The following AUNIP variants were observed in gnomAD, a reference collection of about 807,000 sequenced individuals.
The protein encoded by AUNIP is aurora kinase A- and ninein-interacting protein.
A neutral mutation model predicts 12.2 loss-of-function variants in AUNIP; 16 were observed. The observed-to-expected ratio is 1.31, with a 90% CI of 0.88 to 1.99. The LOEUF (loss-of-function observed/expected upper bound fraction) is 1.99. AUNIP is among the 30% of genes most tolerant of loss of function. The pLI is 0.00. For missense variants in AUNIP, 411 were observed against 419.1 expected, an observed-to-expected ratio of 0.98 and a Z score of 0.17; for synonymous variants, 142 against 154.8, an observed-to-expected ratio of 0.92 and a Z score of 0.61.
In AUNIP at chr1:25,859,377, C is replaced by T; in HGVS notation, c.-20G>A. ...CCTCATGGCCGCTGAGGAGACGAAG[C>T]CGGCAGGACGCCGGCGCAGGCTCCC... On this transcript the variant is annotated 5_prime_UTR_variant, in exon 1 of 3. Coordinates refer to ENST00000374298, the MANE Select transcript of AUNIP (RefSeq NM_024037.3). The T allele has an allele frequency of 6.7e-7, 1 of 1,494,870 alleles. No individual in the cohort carries two copies. Among genetic ancestry groups the T allele is most frequent in the African/African-American group, 1.5e-5 (1 of 68,612 alleles). The allele number at this position is 1,494,870 out of a possible 1,614,324, so 92.6% of individuals were successfully genotyped here.
intron 1 of AUNIP, among the ~76,000 whole-genome samples, chr1:25,842,682 A>G (rs2048354572): frequency 6.6e-6 from 1 of 152,234 alleles, no homozygotes; most frequent in African/African-American, 2.4e-5. Context: ...TTAGGGGCTA[A>G]TGCAGCTAGT....
At chr1:25,859,166 T>C (rs2124519432) in intron 1 of AUNIP, 114 bp downstream of exon 1, 2 of 1,146,132 alleles carry the variant, frequency 1.7e-6, no homozygotes, top group Non-Finnish European at 2.5e-6. Context: ...CGCTGTTCCC[T>C]TCTCTGTCCC....
chr1:25,843,185 A>AAAATATATATATAT (rs1553123796), intron 1 of AUNIP, among the ~76,000 whole-genome samples: 3 of 124,956 alleles, frequency 2.4e-5, no homozygotes, highest in African/African-American at 8.9e-5. Context: ...AAAAAAAAAA[A>AAAATATATATATAT]ATATATATAT....
intron 1 of AUNIP, among the ~76,000 whole-genome samples, chr1:25,855,363 C>T (rs2048453683): frequency 6.6e-6 from 1 of 152,112 alleles, no homozygotes; most frequent in South Asian, 2.1e-4. Flanking sequence ...GAGTTGGGGT[C>T]TCATTATATT....
intron 1 of AUNIP, among the ~76,000 whole-genome samples, chr1:25,838,011 C>A (rs553145660): frequency 6.6e-6 from 1 of 150,608 alleles, no homozygotes; most frequent in Non-Finnish European, 1.5e-5. Context: ...GAGGCTGAGG[C>A]GGGCAGATAA....
chr1:25,832,317 C>T (rs1259259939), downstream of AUNIP: 6 of 811,612 alleles, frequency 7.4e-6, no homozygotes, highest in East Asian at 1.6e-4. Flanking sequence ...TTTTTCCTTG[C>T]CCCTGTGTGA....
downstream of AUNIP, chr1:25,832,575 G>A: frequency 5.3e-6 from 1 of 186,916 alleles, no homozygotes; most frequent in East Asian, 1.2e-4. Context: ...AGGTCAGGCT[G>A]CTGAACCAGC....
At chr1:25,840,145 C>T (rs2048339001) in intron 1 of AUNIP, among the ~76,000 whole-genome samples, 1 of 151,790 alleles carries the variant, frequency 6.6e-6, no homozygotes, top group African/African-American at 2.4e-5. Context: ...GACAAGTTAA[C>T]AGTTAACTTA....
At position 25,837,537 on chromosome 1, in the gene AUNIP, T is replaced by C. The variant is rs895540925; in HGVS notation, c.96A>G (p.Pro32=). 1 of 1,613,362 alleles carries C rather than the reference T, an allele frequency of 6.2e-7. No homozygotes were observed. The highest frequency in any genetic ancestry group is 1.3e-5 in the African/African-American group (1 of 75,002). The change falls in exon 2 of 3, where the codon CCA becomes CCG. Residue 32 remains proline (P), a synonymous_variant. Coordinates refer to ENST00000374298, the MANE Select transcript of AUNIP (RefSeq NM_024037.3). ...GAAGGAGTGTTAGCATTTTGGTGCC[T>C]GGTTTGATTAAATGTGTCTGAGAAA... The part of the protein sequence containing the change: ...RRKVQTHLIK[P]GTKMLTLLPG...
intron 1 of AUNIP, among the ~76,000 whole-genome samples, chr1:25,851,776 G>A (rs142196801): frequency 0.013 from 1,918 of 152,060 alleles, 47 homozygotes; most frequent in African/African-American, 0.044. Context: ...TCACTCTGTC[G>A]CCCAGGCTGG....
chr1:25,846,924 AAAAG>A (rs2048387230), intron 1 of AUNIP, among the ~76,000 whole-genome samples: 1 of 152,214 alleles, frequency 6.6e-6, no homozygotes, highest in Non-Finnish European at 1.5e-5. Context: ...ACAGTCCTAT[AAAAG>A]AAAGACGACC....
chr1:25,844,257 C>A (rs564182877), intron 1 of AUNIP, among the ~76,000 whole-genome samples: 4 of 152,262 alleles, frequency 2.6e-5, no homozygotes, highest in Admixed American at 6.5e-5. Flanking sequence ...TAGGTGTGCA[C>A]CACCATGCCC....
intron 1 of AUNIP, among the ~76,000 whole-genome samples, chr1:25,842,752 A>G (rs1011661508): frequency 3.9e-5 from 6 of 152,202 alleles, no homozygotes. Context: ...GAATTATGCT[A>G]TATCTACTCT....
Position 25,835,748 on chromosome 1 carries a change from T to A in AUNIP, c.319A>T (p.Ile107Phe), listed in dbSNP as rs1372661276. The A allele has an allele frequency of 6.2e-7, 1 of 1,614,228 alleles. No homozygotes were observed. The highest frequency in any genetic ancestry group is 1.1e-5 in the South Asian group (1 of 91,088). The change falls in exon 3 of 3, where the codon ATC becomes TTC. Residue 107 changes from isoleucine (I) to phenylalanine (F), a missense_variant. Physicochemically the swap from Ile to Phe is conservative, Grantham distance 21 (BLOSUM62 0). Transcript: ENST00000374298. ...KKNATQLDHL[I>F]PGLAHDCMAS... ...ATGCAATCGTGTGCTAAGCCTGGGA[T>A]CAAATGGTCTAGCTGGGTCGCATTT...
At chr1:25,841,410 T>C (rs2124501080) in intron 1 of AUNIP, among the ~76,000 whole-genome samples, 1 of 152,346 alleles carries the variant, frequency 6.6e-6, no homozygotes, top group South Asian at 2.1e-4. Context: ...GGCAAGCCTG[T>C]GTTGAGCAAG....
At position 25,835,802 on chromosome 1, in the gene AUNIP, C is replaced by G. The variant is rs1429305189; in HGVS notation, c.265G>C (p.Glu89Gln). Reference sequence around the variant, plus strand: ...TTGGACTCTTTGTTGATCTGACTTTCTGTATGAGATGAAACACTCTTCTGG... The same window carrying G: ...TTGGACTCTTTGTTGATCTGACTTTGTGTATGAGATGAAACACTCTTCTGG... ...SDQKSVSSHT[E>Q]SQINKESKKN... Residue 89 changes from glutamate (E) to glutamine (Q), a missense_variant, in exon 3 of 3, where the codon GAA (glutamate) becomes CAA (glutamine). Glu to Gln is a conservative substitution (Grantham distance 29). Coordinates refer to ENST00000374298, the MANE Select transcript of AUNIP (RefSeq NM_024037.3). The G allele has an allele frequency of 6.2e-7, 1 of 1,614,180 alleles. No individual in the cohort carries two copies. Among genetic ancestry groups the G allele is most frequent in the Admixed American group, 1.7e-5 (1 of 60,026 alleles).
intron 1 of AUNIP, among the ~76,000 whole-genome samples, chr1:25,843,150 C>G (rs1204158326): frequency 6.9e-6 from 1 of 144,216 alleles, no homozygotes; most frequent in Non-Finnish European, 1.5e-5. Context: ...GCACTCCAGC[C>G]AGGGTGACAG....
intron 2 of AUNIP, among the ~76,000 whole-genome samples, chr1:25,837,194 TTAAGC>T (rs756559596): frequency 6.6e-5 from 10 of 152,202 alleles, no homozygotes; most frequent in African/African-American, 2.4e-4. Context: ...ATATTTAATA[TTAAGC>T]TGAGCAAAAC....
At chr1:25,852,614 A>G (rs935631344) in intron 1 of AUNIP, among the ~76,000 whole-genome samples, 3 of 151,654 alleles carry the variant, frequency 2.0e-5, no homozygotes, top group Admixed American at 1.3e-4. Context: ...TAATTTTGGT[A>G]TTTTTAGTAG....
Sources: allele counts gnomAD v4.1 joint callset (sites outside exome capture counted in the v4.1 genomes callset), GRCh38; gene constraint gnomAD v4.1.1; transcripts MANE v1.5; gene names NCBI Gene and HGNC (gene_info 2026-07-23, HGNC 2026-07-21).